SEC24B: variants seen among roughly 807,000 people sequenced by gnomAD.
The protein encoded by SEC24B is protein transport protein Sec24B.
In SEC24B, 45 loss-of-function variants were observed where a neutral mutation model predicts 142.8. The observed-to-expected ratio is 0.32, with a 90% CI of 0.25 to 0.40. The LOEUF (loss-of-function observed/expected upper bound fraction) is 0.40. SEC24B is among the 10% of genes least tolerant of loss of function. SEC24B has a pLI of 1.00. For missense variants in SEC24B, 1,409 were observed against 1,526.8 expected (o/e 0.92, Z 1.29); for synonymous variants, 574 against 568.2 (o/e 1.01, Z -0.15).
chr4:109,440,728 T>C (rs1728858516), intron 1 of SEC24B, among the ~76,000 whole-genome samples: 1 of 152,244 alleles, frequency 6.6e-6, no homozygotes, highest in Non-Finnish European at 1.5e-5. Flanking sequence ...CACCGTTTTA[T>C]AAATTCTTCA....
At chr4:109,472,886 ATAT>A (rs1732672920) in intron 2 of SEC24B, 115 bp from the exon 3 acceptor site, 2 of 319,796 alleles carry the variant, frequency 6.3e-6, no homozygotes, top group Non-Finnish European at 1.0e-5. Flanking sequence ...TTAGTGATAT[ATAT>A]TATTATATAA....
chr4:109,438,408 G>T (rs1728617696), intron 1 of SEC24B, among the ~76,000 whole-genome samples: 1 of 152,028 alleles, frequency 6.6e-6, no homozygotes, highest in Non-Finnish European at 1.5e-5. Flanking sequence ...TGAACTCCTG[G>T]GCTCAAGCAG....
chr4:109,537,121 AAAG>A (rs1362283654), intron 22 of SEC24B, among the ~76,000 whole-genome samples: 1 of 152,174 alleles, frequency 6.6e-6, no homozygotes, highest in Non-Finnish European at 1.5e-5. Context: ...GCAATTCATA[AAAG>A]AAGAATAAAG....
At chr4:109,437,913 G>A (rs778701075) in intron 1 of SEC24B, among the ~76,000 whole-genome samples, 4 of 152,276 alleles carry the variant, frequency 2.6e-5, no homozygotes, top group South Asian at 2.1e-4. Context: ...GTGAGCCACC[G>A]TGCCTGGCCC....
chr4:109,449,757 C>G lies in SEC24B; in HGVS notation c.134-13144C>G, dbSNP rs866904620. 2.6e-5 allele frequency among the ~76,000 whole-genome samples: 4 copies of G among 152,242 alleles called. No homozygotes were observed. In the South Asian group the frequency reaches 8.3e-4, roughly 32 times the overall value. On this transcript the variant is annotated intron_variant, in intron 1 of 23. Transcript: ENST00000265175. ...AAACCTGATTACCTCCCAAAGGCCC[C>G]ACCTCCTAACACCATCACATTGGGC...
chr4:109,526,074 A>G (rs1724191256), intron 16 of SEC24B, 152 bp from the exon 17 acceptor site: 1 of 674,924 alleles, frequency 1.5e-6, no homozygotes, highest in South Asian at 2.0e-5. Flanking sequence ...TTTTGAATTA[A>G]TATTTTAGAA....
At chr4:109,529,225 A>G (rs1724618192) in intron 18 of SEC24B, among the ~76,000 whole-genome samples, 1 of 152,324 alleles carries the variant, frequency 6.6e-6, no homozygotes, top group South Asian at 2.1e-4. Flanking sequence ...ACTAAAATCA[A>G]AAGCTTGTAT....
intron 4 of SEC24B, among the ~76,000 whole-genome samples, chr4:109,482,944 A>G (rs1279920976): frequency 2.6e-5 from 1 of 37,936 alleles, no homozygotes; most frequent in Non-Finnish European, 4.5e-5. Context: ...TACTATATAT[A>G]TATATATATA....
In SEC24B at chr4:109,531,444, G is replaced by A. The variant is rs1724922674; in HGVS notation, c.3312G>A (p.Gln1104=). The change falls in exon 20 of 24, where the codon CAG becomes CAA. Residue 1104 remains glutamine, a synonymous_variant. Coordinates refer to ENST00000265175, the MANE Select transcript of SEC24B (RefSeq NM_006323.5). ...RLDDRVYAMC[Q]IKSQPLVHLM... is the part of the protein sequence containing the mutation. Reference sequence around the variant, plus strand: ...ATGATCGTGTATATGCCATGTGTCAGATAAAGTCTCAGCCACTTGTTCATC... The same window carrying A: ...ATGATCGTGTATATGCCATGTGTCAAATAAAGTCTCAGCCACTTGTTCATC... The A allele has an allele frequency of 6.2e-7, 1 of 1,612,956 alleles. No individual in the cohort carries two copies. The highest frequency in any genetic ancestry group is 2.2e-5 in the East Asian group (1 of 44,864).
At chr4:109,456,045 C>T (rs900784028) in intron 1 of SEC24B, among the ~76,000 whole-genome samples, 1 of 152,096 alleles carries the variant, frequency 6.6e-6, no homozygotes, top group South Asian at 2.1e-4. Flanking sequence ...TAAATCCTTG[C>T]TTCTTTTCAT....
chr4:109,521,281 A>G (rs1189199038), intron 13 of SEC24B, 109 bp downstream of exon 13: 3 of 965,984 alleles, frequency 3.1e-6, no homozygotes, highest in Non-Finnish European at 4.7e-6. Flanking sequence ...ATAATAGACA[A>G]TATAAATGGC....
chr4:109,452,549 G>A (rs1237058542), intron 1 of SEC24B, among the ~76,000 whole-genome samples: 4 of 152,196 alleles, frequency 2.6e-5, no homozygotes, highest in African/African-American at 9.7e-5. Flanking sequence ...AACAATGAGT[G>A]AATGTTTCTC....
chr4:109,529,883 G>T (rs977417425), intron 18 of SEC24B, among the ~76,000 whole-genome samples: 4 of 152,112 alleles, frequency 2.6e-5, no homozygotes, highest in Non-Finnish European at 5.9e-5. Context: ...ACAGGCACGT[G>T]CCACCATGCC....
intron 14 of SEC24B, among the ~76,000 whole-genome samples, chr4:109,522,759 G>GTA (rs916648686): frequency 6.6e-6 from 1 of 152,144 alleles, no homozygotes; most frequent in Non-Finnish European, 1.5e-5. Context: ...GTGTGTGTGT[G>GTA]TATATATATG....
chr4:109,492,549 T>C (rs1355194822), intron 5 of SEC24B, among the ~76,000 whole-genome samples: 2 of 152,218 alleles, frequency 1.3e-5, no homozygotes, highest in Non-Finnish European at 2.9e-5. Context: ...AATCTTATAA[T>C]GAACTATGTG....
At chr4:109,458,817 T>C (rs1730967250) in intron 1 of SEC24B, among the ~76,000 whole-genome samples, 1 of 150,578 alleles carries the variant, frequency 6.6e-6, no homozygotes, top group Non-Finnish European at 1.5e-5. Context: ...ATGATTTTTA[T>C]TTGATCACTT....
At chr4:109,492,375 ATCT>A (rs1386845603) in intron 5 of SEC24B, among the ~76,000 whole-genome samples, 1 of 152,142 alleles carries the variant, frequency 6.6e-6, no homozygotes, top group Non-Finnish European at 1.5e-5. Context: ...TCTTATCAAG[ATCT>A]TCTAGAAGAG....
chr4:109,455,313 G>C (rs996546242), intron 1 of SEC24B, among the ~76,000 whole-genome samples: 12 of 151,726 alleles, frequency 7.9e-5, no homozygotes, highest in African/African-American at 2.9e-4. Context: ...GTGGTGGTGC[G>C]ATCTTGGCTT....
rs1394053683 is a variant in SEC24B at position 109,539,872 on chromosome 4, C to T, written c.*197C>T. The T allele has an allele frequency of 2.0e-5, 11 of 552,142 alleles. No homozygotes were observed. Among genetic ancestry groups the T allele is most frequent in the East Asian group, 3.1e-5 (1 of 32,450 alleles). The allele number at this position is 552,142 out of a possible 1,614,324, so 34.2% of individuals were successfully genotyped here. ...CTTTTTCAACTCAAATTAATGGTAACGATGATGCTGTTTCACCAAGTATAT... is the reference window on the plus strand; with the variant it reads ...CTTTTTCAACTCAAATTAATGGTAATGATGATGCTGTTTCACCAAGTATAT... On this transcript the variant is annotated 3_prime_UTR_variant, in exon 24 of 24. Transcript: ENST00000265175.
Sources: allele counts gnomAD v4.1 joint callset (sites outside exome capture counted in the v4.1 genomes callset), GRCh38; gene constraint gnomAD v4.1.1; transcripts MANE v1.5; gene names NCBI Gene and HGNC (gene_info 2026-07-23, HGNC 2026-07-21).